VPS41: variants seen among roughly 807,000 people sequenced by gnomAD.
VPS41 encodes vacuolar protein sorting-associated protein 41 homolog.
A neutral mutation model predicts 130.9 loss-of-function variants in VPS41; 85 were observed. The ratio of observed to expected loss-of-function variants is 0.65; its 90% confidence interval spans 0.55 to 0.78. VPS41 has a LOEUF of 0.78. VPS41 is among the 30% of genes least tolerant of loss of function. The probability of loss-of-function intolerance (pLI) is 0.00; values close to 1 mark genes in which losing one functional copy is unlikely to be tolerated. For missense variants in VPS41, 874 were observed against 1,018.7 expected (o/e 0.86, Z 1.93); for synonymous variants, 335 against 332.9 (o/e 1.01, Z -0.07).
chr7:38,794,121 TAAGAA>T (rs1250171263), intron 9 of VPS41, among the ~76,000 whole-genome samples: 2 of 152,112 alleles, frequency 1.3e-5, no homozygotes, highest in African/African-American at 4.8e-5. Flanking sequence ...TCTTTCACCA[TAAGAA>T]AAGAAAATCA....
chr7:38,809,276 A>C (rs906436640), intron 7 of VPS41, among the ~76,000 whole-genome samples: 2 of 150,810 alleles, frequency 1.3e-5, no homozygotes, highest in Non-Finnish European at 1.5e-5. Flanking sequence ...CGAGGTCAGG[A>C]GTTTGAGACC....
At chr7:38,896,881 T>C (rs1787008472) in intron 2 of VPS41, among the ~76,000 whole-genome samples, 1 of 152,222 alleles carries the variant, frequency 6.6e-6, no homozygotes, top group Admixed American at 6.5e-5. Context: ...AGTCCATCTA[T>C]AAAATTGATA....
intron 4 of VPS41, among the ~76,000 whole-genome samples, chr7:38,837,551 C>T (rs1173706536): frequency 1.3e-5 from 2 of 152,162 alleles, no homozygotes; most frequent in Admixed American, 6.6e-5. Flanking sequence ...TGTAATAAAG[C>T]ACCATGAATA....
intron 25 of VPS41, among the ~76,000 whole-genome samples, chr7:38,740,440 G>T (rs1407675803): frequency 1.3e-5 from 2 of 152,130 alleles, no homozygotes; most frequent in Non-Finnish European, 2.9e-5. Context: ...GGCATGAAAA[G>T]CCAGCTCCTC....
At chr7:38,839,738 C>T (rs1186746581) in intron 4 of VPS41, among the ~76,000 whole-genome samples, 3 of 152,114 alleles carry the variant, frequency 2.0e-5, no homozygotes, top group Non-Finnish European at 4.4e-5. Context: ...TGTGAGCCAC[C>T]GTTCTGCCCG....
intron 19 of VPS41, among the ~76,000 whole-genome samples, 160 bp from the exon 20 acceptor site, chr7:38,755,096 T>C (rs1584376694): frequency 6.6e-6 from 1 of 152,206 alleles, no homozygotes; most frequent in Non-Finnish European, 1.5e-5. Flanking sequence ...GAAAATGACA[T>C]TTGTGAAGAA....
chr7:38,789,971 C>T, intron 9 of VPS41, 104 bp from the exon 10 acceptor site: 1 of 1,087,518 alleles, frequency 9.2e-7, no homozygotes, highest in Non-Finnish European at 1.4e-6. Context: ...TGTAGCACTG[C>T]AGATGGAGTA....
At position 38,723,693 on chromosome 7, in the gene VPS41, C is replaced by T. The variant is rs927853745; in HGVS notation, c.*2553G>A. ...GAGCCAAGATCATGTCACTGCACTC[C>T]AGCCAAGGCAACAGAACGAGACTCC... On this transcript the variant is annotated 3_prime_UTR_variant, in exon 29 of 29. Coordinates refer to ENST00000310301, the MANE Select transcript of VPS41 (RefSeq NM_014396.4). 1.7e-4 allele frequency: 20 copies of T among 114,596 alleles called. No individual in the cohort carries two copies. Among genetic ancestry groups the T allele is most frequent in the African/African-American group, 7.1e-4 (20 of 28,172 alleles). 7.1% of individuals were successfully genotyped at this position (114,596 alleles called of 1,614,324 possible). A position where few individuals can be genotyped will look rare whatever the true frequency, so the allele number is the denominator to read the frequency against.
chr7:38,868,464 A>G (rs996160206), intron 3 of VPS41, among the ~76,000 whole-genome samples: 11 of 152,182 alleles, frequency 7.2e-5, no homozygotes, highest in Non-Finnish European at 1.2e-4. Flanking sequence ...AGACAAGAGC[A>G]GTTTGCTTTT....
In VPS41 at chr7:38,767,073, A is replaced by T. The variant is rs752643622; in HGVS notation, c.1247+464T>A. 7.7e-4 allele frequency among the ~76,000 whole-genome samples: 117 copies of T among 152,202 alleles called. 1 individual carries two copies. Among genetic ancestry groups the T allele is most frequent in the Admixed American group, 1.6e-3 (24 of 15,288 alleles). On this transcript the variant is annotated intron_variant, in intron 15 of 28. Coordinates refer to ENST00000310301, the MANE Select transcript of VPS41 (RefSeq NM_014396.4). ...GCCCACCCTCTGTTGCATTGTGGGAATTGGGGTTTGGGGATCGGGGCAAAT... is the reference window on the plus strand; with the variant it reads ...GCCCACCCTCTGTTGCATTGTGGGATTTGGGGTTTGGGGATCGGGGCAAAT...
intron 4 of VPS41, among the ~76,000 whole-genome samples, chr7:38,859,353 G>C (rs906386758): frequency 6.6e-6 from 1 of 152,066 alleles, no homozygotes; most frequent in Non-Finnish European, 1.5e-5. Context: ...AATGTCTACA[G>C]TAGTGTACAC....
chr7:38,811,960 A>C lies in VPS41; in HGVS notation c.450+5857T>G, dbSNP rs571990241. 8.5e-5 allele frequency among the ~76,000 whole-genome samples: 13 copies of C among 152,238 alleles called. No individual in the cohort carries two copies. The South Asian group carries it at 2.5e-3, about 29-fold the overall frequency. ...TTTATTATAAAATAGGCTTTGTGTT[A>C]AATGATTTTGCCTAACTGTAGTGTT... On this transcript the variant is annotated intron_variant, in intron 7 of 28. Coordinates refer to ENST00000310301, the MANE Select transcript of VPS41 (RefSeq NM_014396.4).
intron 18 of VPS41, 110 bp downstream of exon 18, chr7:38,758,244 G>A (rs1003407687): frequency 9.8e-7 from 1 of 1,023,992 alleles, no homozygotes; most frequent in Non-Finnish European, 1.4e-6. Flanking sequence ...AAGGAATGTA[G>A]GAAAATGGTA....
chr7:38,804,821 G>A (rs376274468), intron 7 of VPS41, among the ~76,000 whole-genome samples: 94 of 152,248 alleles, frequency 6.2e-4, no homozygotes, highest in Non-Finnish European at 1.0e-3. Flanking sequence ...TTACAAGTGC[G>A]ATTTCAGAAA....
chr7:38,869,902 C>T (rs980804820), intron 2 of VPS41, among the ~76,000 whole-genome samples: 2 of 152,126 alleles, frequency 1.3e-5, no homozygotes, highest in African/African-American at 4.8e-5. Context: ...AGTGCTCCCA[C>T]CACAAATAAC....
chr7:38,753,638 T>A (rs552754581), intron 21 of VPS41, among the ~76,000 whole-genome samples: 1 of 152,132 alleles, frequency 6.6e-6, no homozygotes, highest in South Asian at 2.1e-4. Flanking sequence ...ATTGCACTGA[T>A]TACATTGTCG....
chr7:38,738,458 T>C (rs1336037673), intron 25 of VPS41, among the ~76,000 whole-genome samples: 2 of 152,016 alleles, frequency 1.3e-5, no homozygotes, highest in Non-Finnish European at 2.9e-5. Context: ...AATAAAACCG[T>C]CAAAAGAAGT....
At chr7:38,784,688 A>G (rs896754446) in intron 10 of VPS41, among the ~76,000 whole-genome samples, 5 of 152,064 alleles carry the variant, frequency 3.3e-5, no homozygotes, top group African/African-American at 1.2e-4. Flanking sequence ...GAAGAATATA[A>G]GAATACAGAG....
chr7:38,775,273 A>G (rs1019041756), intron 11 of VPS41: 3 of 152,182 alleles, frequency 2.0e-5, no homozygotes, highest in African/African-American at 7.2e-5. Flanking sequence ...TAAAATGAGT[A>G]TCTACATACA....
Sources: gnomAD v4.1 joint callset for allele counts (sites outside exome capture counted in the v4.1 genomes callset) on GRCh38, gnomAD v4.1.1 for gene constraint, MANE v1.5 for transcripts, NCBI Gene and HGNC (gene_info 2026-07-23, HGNC 2026-07-21) for gene names.